The following ADORA2B variants were observed in gnomAD, a reference collection of about 807,000 sequenced individuals.
The protein encoded by ADORA2B is adenosine A2b receptor, also known as adenosine receptor A2b.
ADORA2B carries 18 observed loss-of-function variants against 20.8 expected under a neutral mutation model. That is an observed-to-expected ratio of 0.87 (90% CI 0.60 to 1.29). ADORA2B has a LOEUF of 1.29. Among genes scored for constraint, ADORA2B ranks in the 50% most tolerant of loss-of-function variants. ADORA2B has a pLI of 0.00. For missense variants in ADORA2B, 441 were observed against 422.7 expected (o/e 1.04, Z -0.38); for synonymous variants, 179 against 178.3 (o/e 1.00, Z -0.03).
At chr17:15,968,126 T>C (rs1202452922) in intron 1 of ADORA2B, among the ~76,000 whole-genome samples, 2 of 152,190 alleles carry the variant, frequency 1.3e-5, no homozygotes, top group East Asian at 3.8e-4. Context: ...ATGGCCTGTC[T>C]TGGGGAGAAG....
the ADORA2B span, among the ~76,000 whole-genome samples, chr17:15,919,242 TA>T: frequency 6.6e-6 from 1 of 152,214 alleles, no homozygotes; most frequent in South Asian, 2.1e-4. Context: ...CAGGCCCTGG[TA>T]GGAACCAATT....
At chr17:15,855,798 G>A in the ADORA2B span, among the ~76,000 whole-genome samples, 2 of 152,036 alleles carry the variant, frequency 1.3e-5, no homozygotes, top group African/African-American at 4.8e-5. Context: ...CATCATTCGG[G>A]TGGTGAGCAT....
chr17:15,903,911 A>G, the ADORA2B span, among the ~76,000 whole-genome samples: 2 of 151,912 alleles, frequency 1.3e-5, no homozygotes, highest in African/African-American at 4.8e-5. Flanking sequence ...CTCTTTTCAT[A>G]GGTTTATTTC....
intron 1 of ADORA2B, among the ~76,000 whole-genome samples, chr17:15,964,473 G>C (rs1303277954): frequency 6.6e-6 from 1 of 151,408 alleles, no homozygotes; most frequent in Admixed American, 6.6e-5. Flanking sequence ...ACCAGGTGTG[G>C]TGGCAGGCGC....
intron 1 of ADORA2B, among the ~76,000 whole-genome samples, chr17:15,971,726 A>G (rs765211011): frequency 3.5e-5 from 5 of 143,338 alleles, no homozygotes; most frequent in Non-Finnish European, 6.0e-5. Flanking sequence ...TCTGCCTCCC[A>G]GGTTCAGGCA....
the ADORA2B span, among the ~76,000 whole-genome samples, chr17:15,867,942 G>A: frequency 2.6e-5 from 4 of 151,850 alleles, no homozygotes; most frequent in Non-Finnish European, 5.9e-5. Context: ...GGGGAAAGGT[G>A]GGGAAAAGAT....
At chr17:15,877,110 C>T in the ADORA2B span, among the ~76,000 whole-genome samples, 1 of 152,156 alleles carries the variant, frequency 6.6e-6, no homozygotes, top group Admixed American at 6.5e-5. Flanking sequence ...AATAAAATTC[C>T]ATCATATATG....
intron 1 of ADORA2B, among the ~76,000 whole-genome samples, chr17:15,953,073 A>G (rs1394038638): frequency 6.6e-6 from 1 of 151,970 alleles, no homozygotes; most frequent in Non-Finnish European, 1.5e-5. Context: ...TGGAGGGTTG[A>G]GTGGTGTGGT....
At chr17:15,859,394 C>T in the ADORA2B span, among the ~76,000 whole-genome samples, 1 of 149,786 alleles carries the variant, frequency 6.7e-6, no homozygotes, top group African/African-American at 2.5e-5. Context: ...GACGTAAATA[C>T]TGTTTTTCTC....
At chr17:15,925,235 C>G in the ADORA2B span, among the ~76,000 whole-genome samples, 1 of 151,980 alleles carries the variant, frequency 6.6e-6, no homozygotes, top group Admixed American at 6.6e-5. Context: ...GGGGTTTTAC[C>G]ATGTTAGCCA....
At chr17:15,917,795 G>A in the ADORA2B span, among the ~76,000 whole-genome samples, 33 of 152,344 alleles carry the variant, frequency 2.2e-4, no homozygotes, top group Admixed American at 1.3e-4. Context: ...CGCGGGCAGG[G>A]GCGCGCAGTC....
At chr17:15,923,745 T>C in the ADORA2B span, among the ~76,000 whole-genome samples, 1 of 152,256 alleles carries the variant, frequency 6.6e-6, no homozygotes, top group South Asian at 2.1e-4. Context: ...GGAAACCTCA[T>C]CTTGGAGCTT....
At chr17:15,921,321 G>C in the ADORA2B span, among the ~76,000 whole-genome samples, 1 of 152,246 alleles carries the variant, frequency 6.6e-6, no homozygotes, top group Non-Finnish European at 1.5e-5. Flanking sequence ...TGCAGCAGCA[G>C]TGATGCTATG....
the ADORA2B span, among the ~76,000 whole-genome samples, chr17:15,865,000 AATT>A: frequency 6.6e-6 from 1 of 151,252 alleles, no homozygotes; most frequent in East Asian, 1.9e-4. Context: ...GCTTTTGCTA[AATT>A]ACACTCCCAA....
intron 1 of ADORA2B, among the ~76,000 whole-genome samples, chr17:15,947,669 G>A (rs1969826847): frequency 1.3e-5 from 2 of 152,208 alleles, no homozygotes; most frequent in South Asian, 4.1e-4. Context: ...CAACCCTGGT[G>A]GGTGGGAGAG....
the ADORA2B span, among the ~76,000 whole-genome samples, chr17:15,924,531 AC>A: frequency 6.6e-6 from 1 of 152,082 alleles, no homozygotes; most frequent in African/African-American, 2.4e-5. Context: ...GGAGATCGAG[AC>A]CATCCTCGCT....
At chr17:15,916,096 G>A in the ADORA2B span, among the ~76,000 whole-genome samples, 1 of 152,182 alleles carries the variant, frequency 6.6e-6, no homozygotes, top group East Asian at 1.9e-4. Context: ...GGGTGGGGGG[G>A]TCACATGGCA....
chr17:15,877,130 A>G, the ADORA2B span, among the ~76,000 whole-genome samples: 1 of 152,164 alleles, frequency 6.6e-6, no homozygotes, highest in Non-Finnish European at 1.5e-5. Flanking sequence ...GTTTGCTATC[A>G]TATATTTAAC....
Position 15,975,482 on chromosome 17 carries a change from G to GT in ADORA2B, c.*141dup. On this transcript the variant is annotated 3_prime_UTR_variant, in exon 2 of 2. Transcript: ENST00000304222. ...TTGAGCACTTCCCTGGAGCTACCAC[G>GT]TATCTAGCTAATATGTATGTGTCAG... 1.3e-6 allele frequency: 1 copy of GT among 770,778 alleles called. No individual in the cohort carries two copies. The highest frequency in any genetic ancestry group is 2.1e-6 in the Non-Finnish European group (1 of 485,494). The allele number at this position is 770,778 out of a possible 1,614,324, so 47.7% of individuals were successfully genotyped here. A position where few individuals can be genotyped will look rare whatever the true frequency, so the allele number is the denominator to read the frequency against.
Sources: gnomAD v4.1 joint callset for allele counts (sites outside exome capture counted in the v4.1 genomes callset) on GRCh38, gnomAD v4.1.1 for gene constraint, MANE v1.5 for transcripts, NCBI Gene and HGNC (gene_info 2026-07-23, HGNC 2026-07-21) for gene names.